The following PLCH1 variants were observed in gnomAD, a reference collection of about 807,000 sequenced individuals.
PLCH1 encodes the protein 1-phosphatidylinositol 4,5-bisphosphate phosphodiesterase eta-1.
Under a neutral mutation model 126.7 loss-of-function variants are expected in PLCH1, and 60 were observed. That is an observed-to-expected ratio of 0.47 (90% CI 0.38 to 0.59). The LOEUF (loss-of-function observed/expected upper bound fraction) is 0.59, where lower values mean the gene tolerates loss of function less well. Among genes scored for constraint, PLCH1 ranks in the 20% least tolerant of loss-of-function variants. The probability of loss-of-function intolerance (pLI) is 0.00; values close to 1 mark genes in which losing one functional copy is unlikely to be tolerated. For synonymous variants in PLCH1, 719 were observed against 734.9 expected (o/e 0.98, Z 0.35); for missense variants, 1,723 against 2,040.0 (o/e 0.84, Z 2.99).
In PLCH1 at chr3:155,631,582, G is replaced by A. The variant is rs1577194952; in HGVS notation, c.80-35204C>T. 2.0e-5 allele frequency among the ~76,000 whole-genome samples: 3 copies of A among 152,274 alleles called. No homozygotes were observed. In the South Asian group the frequency reaches 6.2e-4, roughly 32 times the overall value. On this transcript the variant is annotated intron_variant, in intron 2 of 22. Coordinates refer to ENST00000460012, the MANE Select transcript of PLCH1 (RefSeq NM_014996.4). ...AGGAAAATTATGTCGCAATCTGCAT[G>A]CTATTTTGAATTTTCATAACTGATT...
chr3:155,710,228 G>C lies in PLCH1; in HGVS notation c.-40-5964C>G, dbSNP rs542702647. Reference sequence around the variant, plus strand: ...TGGTCTCAAACTCTTGGCCTCAAGTGATCTGCCCACCTCAGCCTCCCAAAG... The same window carrying C: ...TGGTCTCAAACTCTTGGCCTCAAGTCATCTGCCCACCTCAGCCTCCCAAAG... On this transcript the variant is annotated intron_variant, in intron 1 of 22. Coordinates refer to ENST00000460012, the MANE Select transcript of PLCH1 (RefSeq NM_014996.4). Among the ~76,000 whole-genome samples the C allele has an allele frequency of 7.2e-5, 11 of 152,206 alleles. No individual in the cohort carries two copies. The East Asian group carries it at 1.9e-3, about 27-fold the overall frequency.
intron 2 of PLCH1, among the ~76,000 whole-genome samples, chr3:155,660,573 C>A (rs1190708392): frequency 6.6e-6 from 1 of 152,184 alleles, no homozygotes; most frequent in Admixed American, 6.5e-5. Context: ...ATCCTAATAT[C>A]CTAATTTTAA....
chr3:155,706,172 CAAAAAAAAAAAAA>C (rs34725442), intron 1 of PLCH1, among the ~76,000 whole-genome samples: 6 of 61,614 alleles, frequency 9.7e-5, no homozygotes, highest in East Asian at 6.6e-4. Context: ...GACTCTATCT[CAAAAAAAAAAAAA>C]AAAAAAAAAA....
chr3:155,743,546 G>GAAAAAAA (rs1205839777), intron 1 of PLCH1: 2 of 452,540 alleles, frequency 4.4e-6, no homozygotes. Context: ...AAGAAAAAAA[G>GAAAAAAA]AAAAAGAAAA....
At chr3:155,697,985 G>A (rs1745962196) in intron 2 of PLCH1, among the ~76,000 whole-genome samples, 1 of 152,176 alleles carries the variant, frequency 6.6e-6, no homozygotes, top group Admixed American at 6.5e-5. Flanking sequence ...CAAGGGGAAG[G>A]AGTATAGCAG....
At chr3:155,453,202 G>A (rs1005308138) in intron 21 of PLCH1, among the ~76,000 whole-genome samples, 1 of 152,108 alleles carries the variant, frequency 6.6e-6, no homozygotes, top group Non-Finnish European at 1.5e-5. Context: ...GAAAGACAAA[G>A]GCTAAGGAAC....
intron 2 of PLCH1, among the ~76,000 whole-genome samples, chr3:155,692,665 C>T (rs1242977904): frequency 6.6e-6 from 1 of 152,188 alleles, no homozygotes; most frequent in Non-Finnish European, 1.5e-5. Flanking sequence ...CCTACTCTCT[C>T]CCGTAGCTGC....
At chr3:155,464,986 G>A (rs1258800506) in intron 21 of PLCH1, among the ~76,000 whole-genome samples, 1 of 151,988 alleles carries the variant, frequency 6.6e-6, no homozygotes, top group Non-Finnish European at 1.5e-5. Flanking sequence ...GCGTGTGCCT[G>A]TAGTCCCAGC....
rs201081912 is a variant in PLCH1 at position 155,481,178 on chromosome 3, A to G, written c.4848T>C (p.Pro1616=). The G allele has an allele frequency of 5.5e-4, 886 of 1,614,162 alleles. 3 individuals carry two copies. Among genetic ancestry groups the G allele is most frequent in the Non-Finnish European group, 2.5e-5 (30 of 1,180,022 alleles). ...VLRNKPSAPT[P]AVNRHSTGSY... ...AGCCGGTGGAGTGGCGATTCACTGC[A>G]GGGGTGGGTGCTGAGGGTTTGTTTC... is the stretch of plus-strand genomic sequence containing the variant. Residue 1616 remains proline (P), a synonymous_variant, in exon 23 of 23, where the codon CCT becomes CCC. Coordinates refer to ENST00000460012, the MANE Select transcript of PLCH1 (RefSeq NM_014996.4). The surrounding 1 kb of genome is among the most constrained non-coding windows in gnomAD (Gnocchi z 4.2).
At chr3:155,520,697 C>G (rs1213093138) in intron 11 of PLCH1, among the ~76,000 whole-genome samples, 2 of 152,218 alleles carry the variant, frequency 1.3e-5, no homozygotes, top group African/African-American at 4.8e-5. Flanking sequence ...GATTACTACT[C>G]TGTGGTTGAA....
chr3:155,454,361 G>A (rs927114744), intron 21 of PLCH1, among the ~76,000 whole-genome samples: 2 of 152,070 alleles, frequency 1.3e-5, no homozygotes, highest in Non-Finnish European at 2.9e-5. Flanking sequence ...TTAGCTGGAC[G>A]TAGTGGTGCT....
intron 2 of PLCH1, among the ~76,000 whole-genome samples, chr3:155,697,960 C>T (rs1303049116): frequency 6.6e-6 from 1 of 152,100 alleles, no homozygotes. Context: ...TGGAACAGGG[C>T]CTTGAATTCT....
Position 155,514,768 on chromosome 3 carries a change from T to C in PLCH1, c.1587A>G (p.Ala529=), listed in dbSNP as rs1439078092. The change falls in exon 12 of 23, where the codon GCA becomes GCG. Residue 529 remains alanine, a synonymous_variant. Transcript: ENST00000460012. The part of the protein sequence containing the change: ...KEDPDSFTVR[A]LLKATHEGLN... ...AGCCTTCATGCGTGGCCTTCAGTAG[T>C]GCCCGCACTGTGAAACTATCAGGAT... The C allele has an allele frequency of 5.0e-6, 8 of 1,612,788 alleles. No individual in the cohort carries two copies. Among genetic ancestry groups the C allele is most frequent in the Non-Finnish European group, 5.9e-6 (7 of 1,179,158 alleles).
intron 2 of PLCH1, among the ~76,000 whole-genome samples, chr3:155,665,941 T>G (rs566132293): frequency 6.6e-6 from 1 of 152,314 alleles, no homozygotes; most frequent in Non-Finnish European, 1.5e-5. Context: ...TAAGATAATA[T>G]TTTCAATTGA....
rs142848459 is a variant in PLCH1, at chr3:155,600,256, A to T, written c.80-3878T>A. 8.3e-3 allele frequency among the ~76,000 whole-genome samples: 1,258 copies of T among 152,244 alleles called. 17 individuals carry two copies. Among genetic ancestry groups the T allele is most frequent in the African/African-American group, 0.029 (1,202 of 41,540 alleles). On this transcript the variant is annotated intron_variant, in intron 2 of 22. Coordinates refer to ENST00000460012, the MANE Select transcript of PLCH1 (RefSeq NM_014996.4). ...CAAAAGTCACCAACAATACATACAA[A>T]ATATTCTTCCAGTCTCATCTAGATC... is the stretch of plus-strand genomic sequence containing the variant.
At chr3:155,579,386 T>C (rs963483360) in intron 6 of PLCH1, among the ~76,000 whole-genome samples, 2 of 152,222 alleles carry the variant, frequency 1.3e-5, no homozygotes, top group Non-Finnish European at 1.5e-5. Context: ...CCACATCTCA[T>C]TTAATTCTCA....
chr3:155,695,278 A>C (rs1458093206), intron 2 of PLCH1, among the ~76,000 whole-genome samples: 1 of 152,240 alleles, frequency 6.6e-6, no homozygotes. Flanking sequence ...GGCATTATGC[A>C]TTTGTAATAT....
At chr3:155,528,330 T>C (rs1722239589) in intron 10 of PLCH1, among the ~76,000 whole-genome samples, 1 of 152,224 alleles carries the variant, frequency 6.6e-6, no homozygotes, top group South Asian at 2.1e-4. Flanking sequence ...TTTTAGGTCC[T>C]ATTGATATAG....
chr3:155,736,334 A>G (rs1749172622), intron 1 of PLCH1, among the ~76,000 whole-genome samples: 1 of 152,248 alleles, frequency 6.6e-6, no homozygotes, highest in Non-Finnish European at 1.5e-5. Flanking sequence ...TGTGGTTTAG[A>G]GTAGAACATT....
Sources: gnomAD v4.1 joint callset for allele counts (sites outside exome capture counted in the v4.1 genomes callset) on GRCh38, gnomAD v4.1.1 for gene constraint, Gnocchi (gnomAD v3.1) non-coding constraint, MANE v1.5 for transcripts, NCBI Gene and HGNC (gene_info 2026-07-23, HGNC 2026-07-21) for gene names.